DDR2: variants seen among roughly 807,000 people sequenced by gnomAD.
The protein encoded by DDR2 is discoidin domain receptor tyrosine kinase 2.
DDR2 carries 27 observed loss-of-function variants against 94.9 expected under a neutral mutation model. The ratio of observed to expected loss-of-function variants is 0.28; its 90% CI spans 0.21 to 0.39. DDR2 has a LOEUF of 0.39. DDR2 is among the 10% of genes least tolerant of loss of function. The pLI is 1.00. For synonymous variants in DDR2, 382 were observed against 377.2 expected (o/e 1.01, Z -0.15); for missense variants, 783 against 1,076.0 (o/e 0.73, Z 3.81).
chr1:162,658,654 T>G (rs1658134273), intron 2 of DDR2, among the ~76,000 whole-genome samples: 1 of 135,432 alleles, frequency 7.4e-6, no homozygotes, highest in African/African-American at 2.8e-5. Flanking sequence ...GGCAAGACCT[T>G]GTCTGTACAA....
chr1:162,708,488 T>G (rs918219279), intron 2 of DDR2, among the ~76,000 whole-genome samples: 5 of 152,196 alleles, frequency 3.3e-5, no homozygotes, highest in African/African-American at 1.2e-4. Context: ...CTCCTGGGCC[T>G]TGTGGCTTTG....
At chr1:162,732,328 T>G (rs1662094623) in intron 3 of DDR2, among the ~76,000 whole-genome samples, 1 of 152,212 alleles carries the variant, frequency 6.6e-6, no homozygotes, top group Non-Finnish European at 1.5e-5. Flanking sequence ...AACAGCCTGC[T>G]CTGTGAAGCT....
chr1:162,730,953 G>T (rs1164833767), intron 3 of DDR2, among the ~76,000 whole-genome samples: 1 of 152,148 alleles, frequency 6.6e-6, no homozygotes, highest in African/African-American at 2.4e-5. Context: ...TCGGCCTCCT[G>T]CCCCTGCTCC....
intron 10 of DDR2, among the ~76,000 whole-genome samples, 168 bp from the exon 11 acceptor site, chr1:162,767,061 G>GAAAAAA (rs5778292): frequency 3.2e-4 from 47 of 145,408 alleles, no homozygotes; most frequent in East Asian, 1.0e-3. Context: ...ACAGTAGCAA[G>GAAAAAA]AAAACAAAAC....
rs563104849 is a variant in DDR2 at position 162,767,454 on chromosome 1, T to A, written c.1293+95T>A. 3.4e-5 allele frequency: 52 copies of A among 1,519,856 alleles called. No individual in the cohort carries two copies. In the African/African-American group the frequency reaches 6.5e-4, roughly 19 times the overall value. 94.1% of individuals were successfully genotyped at this position (1,519,856 alleles called of 1,614,324 possible). On this transcript the variant is annotated intron_variant, in intron 11 of 17. Transcript: ENST00000367921. Reference sequence around the variant, plus strand: ...GAGTAAAAGGCAAATTGCAAACATTTATTAATGGTTGGAATTAACTGAGGC... The same window carrying A: ...GAGTAAAAGGCAAATTGCAAACATTAATTAATGGTTGGAATTAACTGAGGC...
chr1:162,648,667 G>A (rs978443418), intron 1 of DDR2, among the ~76,000 whole-genome samples: 6 of 152,156 alleles, frequency 3.9e-5, no homozygotes, highest in Non-Finnish European at 7.4e-5. Flanking sequence ...GTTGCTTTCG[G>A]TAGTCCAGAT....
intron 2 of DDR2, among the ~76,000 whole-genome samples, chr1:162,716,110 G>T (rs1487222816): frequency 6.6e-6 from 1 of 152,114 alleles, no homozygotes; most frequent in Non-Finnish European, 1.5e-5. Context: ...ATGTTGTGAA[G>T]GATCCAGTAG....
chr1:162,755,543 C>A, intron 6 of DDR2, 121 bp from the exon 7 acceptor site: 2 of 1,089,940 alleles, frequency 1.8e-6, no homozygotes, highest in Non-Finnish European at 2.8e-6. Context: ...AGTCTTCCCT[C>A]GGTGTCCAGA....
At position 162,786,471 on chromosome 1, in the gene DDR2, G is replaced by T. The variant is rs1194404220; in HGVS notation, c.*6225G>T. 1.3e-5 allele frequency: 2 copies of T among 152,208 alleles called. No individual in the cohort carries two copies. The highest frequency in any genetic ancestry group is 4.8e-5 in the African/African-American group (2 of 41,444). The allele number at this position is 152,208 out of a possible 1,614,324, so 9.4% of individuals were successfully genotyped here. ...GTAAAATTTCTCTGTATTAGAAAAA[G>T]AAACGTGATACCAATTGTATATTTT... On this transcript the variant is annotated 3_prime_UTR_variant, in exon 18 of 18. Coordinates refer to ENST00000367921, the MANE Select transcript of DDR2 (RefSeq NM_006182.4).
intron 2 of DDR2, among the ~76,000 whole-genome samples, chr1:162,697,931 G>C (rs1341983287): frequency 6.6e-6 from 1 of 152,150 alleles, no homozygotes; most frequent in African/African-American, 2.4e-5. Context: ...TAGGGTTGTT[G>C]GTGGAGTGAT....
chr1:162,750,867 A>G (rs1663157001), intron 3 of DDR2, among the ~76,000 whole-genome samples: 1 of 152,212 alleles, frequency 6.6e-6, no homozygotes. Flanking sequence ...CTGATCTTTG[A>G]CAAACCTGAC....
chr1:162,729,300 A>ATGTTGTTTTTTTTTTTTTTT (rs1416872679), intron 3 of DDR2, among the ~76,000 whole-genome samples: 2 of 94,016 alleles, frequency 2.1e-5, no homozygotes, highest in African/African-American at 1.1e-4. Flanking sequence ...ATATATATAT[A>ATGTTGTTTTTTTTTTTTTTT]TTTTTTTTTT....
intron 2 of DDR2, among the ~76,000 whole-genome samples, chr1:162,703,602 T>TATTTGAAATTGTA: frequency 6.6e-6 from 1 of 152,186 alleles, no homozygotes; most frequent in Non-Finnish European, 1.5e-5. Context: ...TATAGGTGAA[T>TATTTGAAATTGTA]TCATGAATAT....
intron 3 of DDR2, among the ~76,000 whole-genome samples, chr1:162,731,730 A>G (rs1038379199): frequency 2.6e-5 from 4 of 152,218 alleles, no homozygotes; most frequent in Non-Finnish European, 4.4e-5. Flanking sequence ...ATTACATTCT[A>G]TAAAGTATGC....
intron 9 of DDR2, 103 bp downstream of exon 9, chr1:162,761,557 T>A: frequency 6.4e-7 from 1 of 1,567,928 alleles, no homozygotes; most frequent in Non-Finnish European, 8.7e-7. Context: ...GGAGTGGGAT[T>A]GTACAGGCAG....
chr1:162,647,648 T>G (rs946268322), intron 1 of DDR2, among the ~76,000 whole-genome samples: 18 of 152,356 alleles, frequency 1.2e-4, no homozygotes, highest in African/African-American at 4.1e-4. Context: ...CCTTTGGAAC[T>G]GAGGATCCCT....
intron 2 of DDR2, among the ~76,000 whole-genome samples, chr1:162,661,093 C>G (rs1459460251): frequency 1.3e-5 from 2 of 152,188 alleles, no homozygotes; most frequent in Non-Finnish European, 2.9e-5. Flanking sequence ...AACCGTCATT[C>G]CCAGGCAACC....
intron 3 of DDR2, among the ~76,000 whole-genome samples, chr1:162,726,543 C>G (rs1661674255): frequency 6.6e-6 from 1 of 152,072 alleles, no homozygotes; most frequent in South Asian, 2.1e-4. Flanking sequence ...AAAAGTAATG[C>G]AAGAAAAAAC....
chr1:162,740,813 A>G (rs1020980406), intron 3 of DDR2, among the ~76,000 whole-genome samples: 1 of 152,168 alleles, frequency 6.6e-6, no homozygotes, highest in African/African-American at 2.4e-5. Flanking sequence ...TTGGAAAGCA[A>G]TAAGCAAATG....
Sources: allele counts gnomAD v4.1 joint callset (sites outside exome capture counted in the v4.1 genomes callset), GRCh38; gene constraint gnomAD v4.1.1; transcripts MANE v1.5; gene names NCBI Gene and HGNC (gene_info 2026-07-23, HGNC 2026-07-21).